LRGUK: variants seen among roughly 807,000 people sequenced by gnomAD.
LRGUK encodes the protein leucine rich repeats and guanylate kinase domain containing.
Under a neutral mutation model 76.0 loss-of-function variants are expected in LRGUK, and 65 were observed. The observed-to-expected ratio is 0.85, with a 90% CI of 0.70 to 1.05. The LOEUF (loss-of-function observed/expected upper bound fraction) is 1.05. Among genes scored for constraint, LRGUK ranks in the 50% least tolerant of loss-of-function variants. The probability of loss-of-function intolerance (pLI) is 0.00; values close to 1 mark genes in which losing one functional copy is unlikely to be tolerated. For missense variants in LRGUK, 758 were observed against 732.8 expected (o/e 1.03, Z -0.40); for synonymous variants, 268 against 265.6 (o/e 1.01, Z -0.09).
chr7:134,173,349 G>A (rs1407107172), intron 7 of LRGUK, among the ~76,000 whole-genome samples: 1 of 152,300 alleles, frequency 6.6e-6, no homozygotes, highest in South Asian at 2.1e-4. Flanking sequence ...GCTGTGTATT[G>A]TGGTTGGATA....
At chr7:134,210,003 G>A (rs1210937856) in exon 16 of LRGUK, 24 of 399,544 alleles carry the variant, frequency 6.0e-5, no homozygotes, top group Non-Finnish European at 2.2e-5. Context: ...CCCCAAGCAG[G>A]CAGCTCCTCC....
chr7:134,206,778 A>T (rs1170597794), intron 15 of LRGUK, among the ~76,000 whole-genome samples: 1 of 152,200 alleles, frequency 6.6e-6, no homozygotes, highest in Non-Finnish European at 1.5e-5. Flanking sequence ...CTTCTGGGAT[A>T]GTCAATGCTT....
chr7:134,184,002 T>TTGTTTTG, intron 11 of LRGUK, 149 bp downstream of exon 11: 1 of 1,069,982 alleles, frequency 9.3e-7, no homozygotes, highest in South Asian at 1.6e-5. Flanking sequence ...AATATTTAAG[T>TTGTTTTG]TACACTTTAT....
At chr7:134,128,622 T>C (rs1797135505) in intron 1 of LRGUK, among the ~76,000 whole-genome samples, 1 of 152,258 alleles carries the variant, frequency 6.6e-6, no homozygotes. Context: ...CGGTCTCCGC[T>C]CATTGCAAGC....
chr7:134,173,537 T>G (rs1005930208), intron 7 of LRGUK, among the ~76,000 whole-genome samples: 1 of 152,222 alleles, frequency 6.6e-6, no homozygotes, highest in African/African-American at 2.4e-5. Context: ...CTATTTGCCT[T>G]TAATTTAGTA....
At chr7:134,173,075 C>T (rs1292608392) in intron 7 of LRGUK, among the ~76,000 whole-genome samples, 1 of 152,016 alleles carries the variant, frequency 6.6e-6, no homozygotes, top group Admixed American at 6.6e-5. Flanking sequence ...TTTACTTTTC[C>T]ACTTTCCTGA....
At chr7:134,147,096 A>G (rs1373012136) in intron 4 of LRGUK, among the ~76,000 whole-genome samples, 1 of 152,144 alleles carries the variant, frequency 6.6e-6, no homozygotes, top group African/African-American at 2.4e-5. Flanking sequence ...TGTAAAGTTG[A>G]AGAGGCATTG....
intron 6 of LRGUK, among the ~76,000 whole-genome samples, chr7:134,163,097 A>C (rs1798819762): frequency 6.6e-6 from 1 of 152,224 alleles, no homozygotes. Flanking sequence ...TCAGGTGTGC[A>C]ATGTTAAAAC....
At chr7:134,174,488 A>G (rs1799399319) in intron 7 of LRGUK, 68 bp from the exon 8 acceptor site, 1 of 987,460 alleles carries the variant, frequency 1.0e-6, no homozygotes, top group Non-Finnish European at 1.6e-6. Context: ...ACTGGCTTCT[A>G]TTGTATTATG....
At chr7:134,252,240 A>AG (rs1802465761) in intron 18 of LRGUK, among the ~76,000 whole-genome samples, 1 of 151,836 alleles carries the variant, frequency 6.6e-6, no homozygotes, top group Non-Finnish European at 1.5e-5. Context: ...CAGGAGGCTG[A>AG]GGTGGGAGGA....
At chr7:134,246,660 C>T (rs1377481579) in intron 16 of LRGUK, among the ~76,000 whole-genome samples, 1 of 152,094 alleles carries the variant, frequency 6.6e-6, no homozygotes, top group East Asian at 1.9e-4. Flanking sequence ...ACATAAAAAT[C>T]AAAACAGCAA....
At chr7:134,214,807 CA>C (rs1801393389), downstream of LRGUK, among the ~76,000 whole-genome samples, 1 of 149,348 alleles carries the variant, frequency 6.7e-6, no homozygotes, top group African/African-American at 2.5e-5. Context: ...CACACACACA[CA>C]CACACACTTT....
intron 17 of LRGUK, 83 bp downstream of exon 17, chr7:134,247,727 A>C (rs1408485719): frequency 6.6e-6 from 7 of 1,065,016 alleles, no homozygotes; most frequent in Non-Finnish European, 9.9e-6. Flanking sequence ...GTGAACATAA[A>C]CAGAGACCTC....
rs1336328324 is a variant in LRGUK at position 134,136,989 on chromosome 7, C to A, written c.298-34C>A. Reference sequence around the variant, plus strand: ...AGATTGTTTCTTTTCTAATGAGAATCTTTTCTTTGTCTACCTTTCTGGGTT... The same window carrying A: ...AGATTGTTTCTTTTCTAATGAGAATATTTTCTTTGTCTACCTTTCTGGGTT... On this transcript the variant is annotated intron_variant, in intron 1 of 15. Transcript: ENST00000645682. 9 of 1,470,538 alleles carry A rather than the reference C, an allele frequency of 6.1e-6. No individual in the cohort carries two copies. In the South Asian group the frequency reaches 7.0e-5, roughly 11 times the overall value. 91.1% of individuals were successfully genotyped at this position (1,470,538 alleles called of 1,614,324 possible). A position where few individuals can be genotyped will look rare whatever the true frequency, so the allele number is the denominator to read the frequency against.
At chr7:134,213,368 G>A (rs1801347346), downstream of LRGUK, among the ~76,000 whole-genome samples, 1 of 152,130 alleles carries the variant, frequency 6.6e-6, no homozygotes, top group African/African-American at 2.4e-5. Flanking sequence ...AAATAAGGCT[G>A]TGGGGGCAGG....
At chr7:134,170,313 A>C (rs1799187655) in intron 7 of LRGUK, among the ~76,000 whole-genome samples, 1 of 152,016 alleles carries the variant, frequency 6.6e-6, no homozygotes, top group Non-Finnish European at 1.5e-5. Flanking sequence ...AATTTTTATG[A>C]AGTCTTTCTC....
At chr7:134,140,517 T>C (rs967809589) in intron 3 of LRGUK, among the ~76,000 whole-genome samples, 5 of 152,200 alleles carry the variant, frequency 3.3e-5, no homozygotes, top group Admixed American at 6.5e-5. Flanking sequence ...TCTGATCTTA[T>C]TTGAAGTTGA....
intron 19 of LRGUK, among the ~76,000 whole-genome samples, chr7:134,262,842 A>G (rs1802764925): frequency 6.6e-6 from 1 of 151,772 alleles, no homozygotes; most frequent in Non-Finnish European, 1.5e-5. Flanking sequence ...GTGGTGGCAT[A>G]TGCCTGTAAT....
At chr7:134,157,209 GA>G (rs1471220392) in intron 5 of LRGUK, among the ~76,000 whole-genome samples, 1 of 152,214 alleles carries the variant, frequency 6.6e-6, no homozygotes, top group East Asian at 1.9e-4. Flanking sequence ...CTCATTGATT[GA>G]ATGGAGGTCA....
Sources: gnomAD v4.1 joint callset for allele counts (sites outside exome capture counted in the v4.1 genomes callset) on GRCh38, gnomAD v4.1.1 for gene constraint, MANE v1.5 for transcripts, NCBI Gene and HGNC (gene_info 2026-07-23, HGNC 2026-07-21) for gene names.